The following USP16 variants were observed in gnomAD, a reference collection of about 807,000 sequenced individuals.
USP16 encodes the protein ubiquitin specific peptidase 16.
A neutral mutation model predicts 95.9 loss-of-function variants in USP16; 77 were observed. The ratio of observed to expected loss-of-function variants is 0.80; its 90% confidence interval spans 0.67 to 0.97. The LOEUF is 0.97. USP16 is among the 50% of genes least tolerant of loss of function. The pLI, the probability that USP16 is intolerant of heterozygous loss-of-function variation, is 0.00. For synonymous variants in USP16, 303 were observed against 318.2 expected, an observed-to-expected ratio of 0.95 and a Z score of 0.51; for missense variants, 943 against 959.9, an observed-to-expected ratio of 0.98 and a Z score of 0.23.
chr21:29,028,754 G>A (rs1483531870), intron 2 of USP16, among the ~76,000 whole-genome samples: 2 of 151,990 alleles, frequency 1.3e-5, no homozygotes, highest in South Asian at 2.1e-4. Flanking sequence ...ATTTTTAATG[G>A]CATATTATTG....
At chr21:29,035,386 T>C (rs1157729632) in intron 4 of USP16, among the ~76,000 whole-genome samples, 1 of 152,008 alleles carries the variant, frequency 6.6e-6, no homozygotes, top group Non-Finnish European at 1.5e-5. Flanking sequence ...CATCTTTTTT[T>C]TTTTTTTGAG....
At chr21:29,037,548 G>C in intron 6 of USP16, 85 bp downstream of exon 6, 1 of 783,974 alleles carries the variant, frequency 1.3e-6, no homozygotes, top group East Asian at 4.0e-5. Context: ...TTTTCCACCT[G>C]AGTAATTTAT....
In USP16 at chr21:29,038,322, C is replaced by A. The variant is rs1342885825; in HGVS notation, c.637-13C>A. 3 of 1,550,894 alleles carry A rather than the reference C, an allele frequency of 1.9e-6. No individual in the cohort carries two copies. The African/African-American group carries it at 4.1e-5, about 21-fold the overall frequency. On this transcript the variant is annotated splice_polypyrimidine_tract_variant and intron_variant, in intron 6 of 17. Transcript: ENST00000399976. The stretch of plus-strand genomic sequence containing the variant: ...AAATAATTTTTCTCTTTTTTTTTCA[C>A]CCTACATTCTAGAACTTGTCACAAA...
In USP16 at chr21:29,038,374, G is replaced by T; in HGVS notation, c.676G>T (p.Glu226Ter). The T allele has an allele frequency of 1.9e-6, 3 of 1,612,802 alleles. No individual in the cohort carries two copies. The highest frequency in any genetic ancestry group is 2.5e-6 in the Non-Finnish European group (3 of 1,179,252). Residue 226 changes from glutamate to a stop codon, truncating the protein, a stop_gained, in exon 7 of 18, where the codon GAA becomes TAA. Coordinates refer to ENST00000399976, the MANE Select transcript of USP16 (RefSeq NM_006447.3). LOFTEE classifies it high-confidence loss of function. ...QTPVLRELLKEVKMSGTIVKI... is the reference protein window; with the variant it reads ...QTPVLRELLK Reference sequence around the variant, plus strand: ...ACCAGTGCTTAGAGAACTACTAAAAGAAGTGAAAATGTCTGGAACAATTGT... The same window carrying T: ...ACCAGTGCTTAGAGAACTACTAAAATAAGTGAAAATGTCTGGAACAATTGT...
intron 14 of USP16, 32 bp from the exon 15 acceptor site, chr21:29,048,729 T>G: frequency 6.4e-7 from 1 of 1,555,646 alleles, no homozygotes; most frequent in Non-Finnish European, 8.8e-7. Context: ...AAAATGATTT[T>G]CTCCCTGTTA....
Position 29,040,629 on chromosome 21 carries a change from T to C in USP16, c.972T>C (p.Leu324=). 1 of 1,529,286 alleles carries C rather than the reference T, an allele frequency of 6.5e-7. No individual in the cohort carries two copies. The highest frequency in any genetic ancestry group is 9.0e-7 in the Non-Finnish European group (1 of 1,113,448). 94.7% of individuals were successfully genotyped at this position (1,529,286 alleles called of 1,614,324 possible). ...EEHQRVSKGI[L]KAFGNSTEKL... ...TTTAGAGAGTGAGTAAAGGAATACT[T>C]AAAGCATTTGGTAATTCTACTGAAA... The change falls in exon 10 of 18, where the codon CTT becomes CTC. Residue 324 remains leucine, a synonymous_variant. Coordinates refer to ENST00000399976, the MANE Select transcript of USP16 (RefSeq NM_006447.3).
intron 9 of USP16, 96 bp downstream of exon 9, chr21:29,039,664 A>T: frequency 1.6e-6 from 2 of 1,231,274 alleles, no homozygotes; most frequent in Non-Finnish European, 2.2e-6. Flanking sequence ...AAAGCTAGTT[A>T]TTAAGGCCAT....
At chr21:29,034,793 C>A in intron 3 of USP16, 44 bp from the exon 4 acceptor site, 1 of 1,584,898 alleles carries the variant, frequency 6.3e-7, no homozygotes, top group Non-Finnish European at 8.7e-7. Flanking sequence ...TCCCCTCTTG[C>A]TGAGTTTTTA....
intron 12 of USP16, 37 bp downstream of exon 12, chr21:29,042,565 T>G (rs1199753851): frequency 1.3e-6 from 2 of 1,562,724 alleles, no homozygotes; most frequent in East Asian, 2.3e-5. Context: ...AAGTAGATTT[T>G]TTTTCCTGTA....
chr21:29,027,985 T>G lies in USP16; in HGVS notation c.61+11T>G. On this transcript the variant is annotated intron_variant, in intron 2 of 17. Transcript: ENST00000399976. ...CCTCTGAAACTTTAGGTATATTTCA[T>G]TGATTGAATCTTTAATGTTTATATC... is the stretch of plus-strand genomic sequence containing the variant. The G allele has an allele frequency of 6.3e-7, 1 of 1,588,702 alleles. No homozygotes were observed. Among genetic ancestry groups the G allele is most frequent in the Non-Finnish European group, 8.6e-7 (1 of 1,157,472 alleles).
intron 7 of USP16, 47 bp from the exon 8 acceptor site, chr21:29,038,979 G>A (rs1432344455): frequency 6.9e-7 from 1 of 1,444,660 alleles, no homozygotes; most frequent in Non-Finnish European, 9.1e-7. Flanking sequence ...TAAAGTCAGT[G>A]ATTCCAGAAT....
chr21:29,038,108 TGG>T (rs148502169), intron 6 of USP16, among the ~76,000 whole-genome samples: 1 of 152,256 alleles, frequency 6.6e-6, no homozygotes, highest in African/African-American at 2.4e-5. Flanking sequence ...TACTTCTGAT[TGG>T]GTGGTGGGAG....
chr21:29,038,797 C>G (rs183314668), intron 7 of USP16, among the ~76,000 whole-genome samples: 449 of 152,210 alleles, frequency 2.9e-3, no homozygotes, highest in Admixed American at 5.1e-3. Context: ...TCTTTCAATT[C>G]TTAGGTAGTA....
At chr21:29,049,233 G>A (rs1300230613) in intron 15 of USP16, among the ~76,000 whole-genome samples, 1 of 152,116 alleles carries the variant, frequency 6.6e-6, no homozygotes, top group Non-Finnish European at 1.5e-5. Flanking sequence ...AAAAGACATT[G>A]GTGCCTTGGA....
At chr21:29,050,651 C>T (rs1454159177) in intron 16 of USP16, among the ~76,000 whole-genome samples, 1 of 152,136 alleles carries the variant, frequency 6.6e-6, no homozygotes, top group Admixed American at 6.5e-5. Context: ...GGAGTAAAAA[C>T]AGCAGTGTAA....
At chr21:29,053,662 GAA>G (rs747112618) in intron 16 of USP16, 138 bp from the exon 17 acceptor site, 9 of 794,934 alleles carry the variant, frequency 1.1e-5, no homozygotes, top group East Asian at 2.6e-5. Context: ...GAGGTATGGA[GAA>G]AAGAGTAGAC....
At chr21:29,049,284 T>G (rs1004525197) in intron 15 of USP16, among the ~76,000 whole-genome samples, 4 of 152,248 alleles carry the variant, frequency 2.6e-5, no homozygotes, top group Admixed American at 6.5e-5. Flanking sequence ...TGGAAAACTT[T>G]TGCTATAGCT....
intron 13 of USP16, among the ~76,000 whole-genome samples, chr21:29,046,289 A>G (rs1442121582): frequency 1.3e-5 from 2 of 152,094 alleles, no homozygotes; most frequent in Non-Finnish European, 2.9e-5. Context: ...GGTGGACACC[A>G]ACGTGCCCAG....
chr21:29,044,284 C>T (rs942127565), intron 13 of USP16, among the ~76,000 whole-genome samples: 2 of 151,912 alleles, frequency 1.3e-5, no homozygotes, highest in Non-Finnish European at 1.5e-5. Context: ...TTTTTTCTTA[C>T]GTATCCTTCT....
Sources: allele counts gnomAD v4.1 joint callset (sites outside exome capture counted in the v4.1 genomes callset), GRCh38; gene constraint gnomAD v4.1.1; transcripts MANE v1.5; gene names NCBI Gene and HGNC (gene_info 2026-07-23, HGNC 2026-07-21).